Variants in TXNDC15 observed in about 807,000 individuals in gnomAD.
TXNDC15 encodes the protein thioredoxin domain containing 15, also known as thioredoxin domain-containing protein 15.
TXNDC15 carries 24 observed loss-of-function variants against 35.0 expected under a neutral mutation model. The ratio of observed to expected loss-of-function variants is 0.68; its 90% CI spans 0.50 to 0.96. The LOEUF is 0.96. Among genes scored for constraint, TXNDC15 ranks in the 40% least tolerant of loss-of-function variants. The probability of loss-of-function intolerance (pLI) is 0.00; values close to 1 mark genes in which losing one functional copy is unlikely to be tolerated. For missense variants in TXNDC15, 385 were observed against 453.3 expected (o/e 0.85, Z 1.37); for synonymous variants, 169 against 174.0 (o/e 0.97, Z 0.23).
chr5:134,896,386 C>T lies in TXNDC15; in HGVS notation c.848C>T (p.Thr283Ile), dbSNP rs1415277006. 2.5e-6 allele frequency: 4 copies of T among 1,613,668 alleles called. No individual in the cohort carries two copies. Among genetic ancestry groups the T allele is most frequent in the Non-Finnish European group, 3.4e-6 (4 of 1,179,938 alleles). Residue 283 changes from threonine to isoleucine, a missense_variant, in exon 4 of 5, where the codon ACA (threonine) becomes ATA (isoleucine). By Grantham distance (89) the Thr-to-Ile change is moderately conservative (BLOSUM62 -1). Transcript: ENST00000358387. The stretch of plus-strand genomic sequence containing the variant: ...GCCAGATTTAATCATACAGATCGAA[C>T]ACTGGAAACACTGAAAATCTTCATT... ...PMARFNHTDRTLETLKIFIFN... is the reference protein window; with the variant it reads ...PMARFNHTDRILETLKIFIFN...
intron 3 of TXNDC15, among the ~76,000 whole-genome samples, 164 bp downstream of exon 3, chr5:134,893,819 G>A (rs1750437786): frequency 6.6e-6 from 1 of 152,176 alleles, no homozygotes; most frequent in Non-Finnish European, 1.5e-5. Context: ...ATACTCCTGA[G>A]GGAGCTGGTG....
chr5:134,877,440 T>C (rs1750054519), intron 1 of TXNDC15, among the ~76,000 whole-genome samples: 1 of 152,136 alleles, frequency 6.6e-6, no homozygotes, highest in Non-Finnish European at 1.5e-5. Context: ...GTTTCACTTG[T>C]ATTGCTGTGA....
chr5:134,895,828 G>A (rs1246802605), intron 3 of TXNDC15, among the ~76,000 whole-genome samples: 1 of 152,194 alleles, frequency 6.6e-6, no homozygotes, highest in Non-Finnish European at 1.5e-5. Flanking sequence ...TGCCCTAATT[G>A]TGAACATCCT....
chr5:134,891,758 C>G (rs902403379), intron 2 of TXNDC15, among the ~76,000 whole-genome samples: 4 of 152,062 alleles, frequency 2.6e-5, no homozygotes, highest in African/African-American at 7.2e-5. Flanking sequence ...AACCTTATCT[C>G]TACAAAAAAT....
intron 1 of TXNDC15, among the ~76,000 whole-genome samples, chr5:134,875,842 G>A (rs900801276): frequency 3.9e-5 from 6 of 151,904 alleles, no homozygotes; most frequent in Non-Finnish European, 8.8e-5. Context: ...GCTAATTTTT[G>A]TATTTTTAGT....
intron 1 of TXNDC15, among the ~76,000 whole-genome samples, chr5:134,877,462 T>C (rs1379307719): frequency 2.6e-5 from 4 of 152,172 alleles, no homozygotes; most frequent in Non-Finnish European, 5.9e-5. Flanking sequence ...GGTCAGGGTC[T>C]GGAGGGGGGA....
upstream of TXNDC15, chr5:134,874,298 C>G (rs529154625): frequency 1.7e-4 from 123 of 725,260 alleles, no homozygotes; most frequent in African/African-American, 2.2e-3. Flanking sequence ...ATGGCGCCCG[C>G]CACAGCTGCC....
In TXNDC15 at chr5:134,896,814, T is replaced by A. The variant is rs901499828; in HGVS notation, c.886+390T>A. The stretch of plus-strand genomic sequence containing the variant: ...GCCCGCCACCATACCCGGCTAATTT[T>A]TTGTATTTTTAATAGAGACGGGGTT... On this transcript the variant is annotated intron_variant, in intron 4 of 4. Coordinates refer to ENST00000358387, the MANE Select transcript of TXNDC15 (RefSeq NM_024715.4). Among the ~76,000 whole-genome samples, 3 of 151,988 alleles carry A rather than the reference T, an allele frequency of 2.0e-5. No individual in the cohort carries two copies. In the East Asian group the frequency reaches 5.8e-4, roughly 29 times the overall value.
chr5:134,882,914 C>G (rs1338885031), intron 1 of TXNDC15, among the ~76,000 whole-genome samples: 1 of 152,240 alleles, frequency 6.6e-6, no homozygotes, highest in Non-Finnish European at 1.5e-5. Context: ...CTATTTTCTT[C>G]CGTATTGTCT....
Position 134,887,906 on chromosome 5 carries a change from G to A in TXNDC15, c.315G>A (p.Val105=), listed in dbSNP as rs769703908. Residue 105 remains valine, a synonymous_variant, in exon 2 of 5, where the codon GTG becomes GTA. Transcript: ENST00000358387. ...TTCCTGGGGAAGCTGAGGACAAAGT[G>A]AGTTCAGAGCCTAGCGGCGTCACCT... ...SVIPGEAEDK[V]SSEPSGVTCG... 9.7e-5 allele frequency: 156 copies of A among 1,614,218 alleles called. No individual in the cohort carries two copies. Among genetic ancestry groups the A allele is most frequent in the Non-Finnish European group, 1.2e-4 (141 of 1,180,042 alleles).
rs114299405 is a variant in TXNDC15 at position 134,891,443 on chromosome 5, G to A, written c.592-2049G>A. Among the ~76,000 whole-genome samples the A allele has an allele frequency of 5.2e-3, 787 of 152,250 alleles. 6 individuals are homozygous for A. The highest frequency in any genetic ancestry group is 0.017 in the African/African-American group (725 of 41,538). ...TTGGTTGACCAGGTGCATTGTCAAC[G>A]AGTATAATATTTTGAAAGGAATCTT... On this transcript the variant is annotated intron_variant, in intron 2 of 4. Coordinates refer to ENST00000358387, the MANE Select transcript of TXNDC15 (RefSeq NM_024715.4).
chr5:134,888,234 G>T, intron 2 of TXNDC15, 52 bp downstream of exon 2: 6 of 1,476,200 alleles, frequency 4.1e-6, no homozygotes, highest in Non-Finnish European at 5.5e-6. Flanking sequence ...TTTATTTTAT[G>T]ATTAATACCC....
chr5:134,881,914 C>G (rs1205430285), intron 1 of TXNDC15, among the ~76,000 whole-genome samples: 4 of 151,240 alleles, frequency 2.6e-5, no homozygotes, highest in African/African-American at 9.7e-5. Context: ...CCCCTGACCT[C>G]CCGGACGGGG....
At chr5:134,880,084 C>T (rs960669865) in intron 1 of TXNDC15, among the ~76,000 whole-genome samples, 6 of 152,006 alleles carry the variant, frequency 3.9e-5, no homozygotes, top group African/African-American at 1.2e-4. Flanking sequence ...GTGTGAGCCA[C>T]GCGCCCAGCC....
chr5:134,875,311 T>G (rs1485252948), intron 1 of TXNDC15: 2 of 456,286 alleles, frequency 4.4e-6, no homozygotes, highest in South Asian at 1.5e-5. Context: ...CGCTTGTCAT[T>G]TAGACCTTAA....
chr5:134,896,563 C>A, intron 4 of TXNDC15, 139 bp downstream of exon 4: 1 of 1,001,414 alleles, frequency 1.0e-6, no homozygotes, highest in Non-Finnish European at 1.5e-6. Flanking sequence ...TTCTAATGAA[C>A]TGTTATGATC....
chr5:134,874,208 C>G, upstream of TXNDC15: 4 of 523,404 alleles, frequency 7.6e-6, no homozygotes, highest in Non-Finnish European at 1.3e-5. Context: ...CGACCTGCAA[C>G]GTCTGGCGCT....
Position 134,875,444 on chromosome 5 carries a change from C to A in TXNDC15, c.103+914C>A, listed in dbSNP as rs909981359. On this transcript the variant is annotated intron_variant, in intron 1 of 4. Coordinates refer to ENST00000358387, the MANE Select transcript of TXNDC15 (RefSeq NM_024715.4). ...CATGAATGAAAGCGCTCACTGTGTA[C>A]CAGATGCTGTGCTCAGTGCTTTACG... The A allele has an allele frequency of 6.6e-6, 3 of 454,692 alleles. No individual in the cohort carries two copies. The Admixed American group carries it at 7.1e-5, about 11-fold the overall frequency. The allele number at this position is 454,692 out of a possible 1,614,324, so 28.2% of individuals were successfully genotyped here.
intron 1 of TXNDC15, chr5:134,875,193 G>A (rs1185760284): frequency 2.2e-6 from 1 of 456,224 alleles, no homozygotes; most frequent in South Asian, 1.5e-5. Flanking sequence ...TTGCCGGTAG[G>A]GAAGGCAGCC....
Sources: gnomAD v4.1 joint callset for allele counts (sites outside exome capture counted in the v4.1 genomes callset) on GRCh38, gnomAD v4.1.1 for gene constraint, MANE v1.5 for transcripts, NCBI Gene and HGNC (gene_info 2026-07-23, HGNC 2026-07-21) for gene names.